The following PKHD1 variants were observed in gnomAD, a reference collection of about 807,000 sequenced individuals.
PKHD1 encodes PKHD1 ciliary IPT domain containing fibrocystin/polyductin.
In PKHD1, 291 loss-of-function variants were observed where a neutral mutation model predicts 412.0. The ratio of observed to expected loss-of-function variants is 0.71; its 90% CI spans 0.64 to 0.78. The LOEUF (loss-of-function observed/expected upper bound fraction) is 0.78, where lower values mean the gene tolerates loss of function less well. PKHD1 is among the 30% of genes least tolerant of loss of function. The probability of loss-of-function intolerance (pLI) is 0.00; values close to 1 mark genes in which losing one functional copy is unlikely to be tolerated. For synonymous variants in PKHD1, 1,777 were observed against 1,821.5 expected (o/e 0.98, Z 0.62); for missense variants, 4,825 against 4,950.7 (o/e 0.97, Z 0.76).
intron 66 of PKHD1, 33 bp downstream of exon 66, chr6:51,626,964 C>T (rs1409744313): frequency 1.2e-6 from 2 of 1,610,282 alleles, no homozygotes; most frequent in Non-Finnish European, 1.7e-6. Flanking sequence ...GTGGGTCTCT[C>T]CTGTGGGGAT....
chr6:52,073,078 C>A (rs1279907378), intron 7 of PKHD1, among the ~76,000 whole-genome samples: 1 of 152,182 alleles, frequency 6.6e-6, no homozygotes, highest in African/African-American at 2.4e-5. Flanking sequence ...TTTTAAAGCA[C>A]AAATGGATAA....
intron 7 of PKHD1, among the ~76,000 whole-genome samples, chr6:52,072,634 A>C (rs1300681852): frequency 6.6e-6 from 1 of 152,164 alleles, no homozygotes; most frequent in Non-Finnish European, 1.5e-5. Flanking sequence ...ACCATTGCTT[A>C]ATGCCAGAAA....
intron 53 of PKHD1, among the ~76,000 whole-genome samples, chr6:51,783,663 G>A (rs1264671725): frequency 1.3e-5 from 2 of 151,988 alleles, no homozygotes; most frequent in South Asian, 2.1e-4. Context: ...GGCTCAGACA[G>A]CTATTCATGG....
chr6:51,891,214 T>C (rs1167071509), intron 43 of PKHD1, among the ~76,000 whole-genome samples: 1 of 152,222 alleles, frequency 6.6e-6, no homozygotes, highest in Non-Finnish European at 1.5e-5. Context: ...ACTAATATTT[T>C]TATTGACTTT....
chr6:51,981,702 C>G (rs1164470709), intron 35 of PKHD1, among the ~76,000 whole-genome samples: 5 of 143,704 alleles, frequency 3.5e-5, no homozygotes, highest in Admixed American at 1.4e-4. Context: ...CCTTGGCCCC[C>G]CAAAGTGCCG....
intron 52 of PKHD1, among the ~76,000 whole-genome samples, chr6:51,795,250 G>T (rs112262457): frequency 4.6e-5 from 7 of 152,078 alleles, no homozygotes; most frequent in Admixed American, 4.6e-4. Context: ...CACTTCCCTT[G>T]TTAGCTGTAT....
At chr6:51,768,077 G>T (rs987556497) in intron 55 of PKHD1, among the ~76,000 whole-genome samples, 3 of 152,152 alleles carry the variant, frequency 2.0e-5, no homozygotes, top group Admixed American at 6.5e-5. Flanking sequence ...GTGATGATGA[G>T]CATTTTTTCA....
At chr6:51,666,774 T>G (rs1773876109) in intron 60 of PKHD1, among the ~76,000 whole-genome samples, 1 of 147,756 alleles carries the variant, frequency 6.8e-6, no homozygotes, top group South Asian at 2.2e-4. Flanking sequence ...AATTCCCACC[T>G]ATGAGTGAGA....
At chr6:51,673,575 T>C (rs1775352644) in intron 60 of PKHD1, among the ~76,000 whole-genome samples, 1 of 152,138 alleles carries the variant, frequency 6.6e-6, no homozygotes, top group African/African-American at 2.4e-5. Context: ...CTTAAGAAAA[T>C]CACGAAAGAG....
intron 46 of PKHD1, among the ~76,000 whole-genome samples, chr6:51,874,475 C>T (rs1038902049): frequency 1.3e-5 from 2 of 152,158 alleles, no homozygotes; most frequent in Admixed American, 6.5e-5. Context: ...AGAGTACCAA[C>T]ACACGTACAG....
intron 46 of PKHD1, among the ~76,000 whole-genome samples, chr6:51,872,875 CTTT>C (rs33953182): frequency 0.035 from 2,849 of 81,518 alleles, 32 homozygotes; most frequent in Middle Eastern, 0.08. Context: ...CCATCGTTTC[CTTT>C]TTTTTTTTTT....
At chr6:51,753,088 T>C in intron 57 of PKHD1, 113 bp downstream of exon 57, 8 of 916,372 alleles carry the variant, frequency 8.7e-6, no homozygotes, top group Non-Finnish European at 1.2e-5. Context: ...AAAGGAACTA[T>C]CTCATTTGAA....
intron 60 of PKHD1, among the ~76,000 whole-genome samples, chr6:51,711,736 T>C (rs1174155181): frequency 6.6e-6 from 1 of 152,110 alleles, no homozygotes. Flanking sequence ...ACATTTGAGG[T>C]TCTGGTATTT....
At chr6:51,802,400 T>TA (rs980208157) in intron 52 of PKHD1, among the ~76,000 whole-genome samples, 1 of 151,558 alleles carries the variant, frequency 6.6e-6, no homozygotes, top group African/African-American at 2.4e-5. Context: ...GTTAATGAAT[T>TA]CTAACTAACA....
chr6:52,025,690 C>G lies in PKHD1; in HGVS notation c.4120G>C (p.Gly1374Arg), dbSNP rs763068559. 2 of 1,614,182 alleles carry G rather than the reference C, an allele frequency of 1.2e-6. No individual in the cohort carries two copies. Among genetic ancestry groups the G allele is most frequent in the South Asian group, 2.2e-5 (2 of 91,084 alleles). ...AGCACCACAGACATATTAGCAAATC[C>G]CATCTGCTTCTGACGTACTTGGAGA... ...YPLQVRQKQM[G>R]FANMSVVLQQ... The change falls in exon 32 of 67, where the codon GGA becomes CGA. Residue 1374 changes from glycine (G) to arginine (R), a missense_variant. Physicochemically the swap from Gly to Arg is moderately radical, Grantham distance 125 (BLOSUM62 -2). Transcript: ENST00000371117.
Position 52,025,381 on chromosome 6 carries a change from T to C in PKHD1, c.4429A>G (p.Thr1477Ala), listed in dbSNP as rs1475782336. 1 of 1,611,904 alleles carries C rather than the reference T, an allele frequency of 6.2e-7. No homozygotes were observed. The highest frequency in any genetic ancestry group is 2.2e-5 in the East Asian group (1 of 44,822). The change falls in exon 32 of 67, where the codon ACT (threonine) becomes GCT (alanine). Residue 1477 changes from threonine (T) to alanine (A), a missense_variant. Thr to Ala is a moderately conservative substitution (Grantham distance 58, BLOSUM62 0). Coordinates refer to ENST00000371117, the MANE Select transcript of PKHD1 (RefSeq NM_138694.4). Reference sequence around the variant, plus strand: ...CTTGCCTCTTCCCTTATGAAAAGAGTGCAATTCCCCTGACACTCGCTGGTT... The same window carrying C: ...CTTGCCTCTTCCCTTATGAAAAGAGCGCAATTCCCCTGACACTCGCTGGTT... ...GLTSECQGNC[T>A]LFIREEASPV... is the part of the protein sequence containing the mutation.
intron 60 of PKHD1, among the ~76,000 whole-genome samples, chr6:51,667,814 A>G (rs1369421687): frequency 6.6e-6 from 1 of 150,690 alleles, no homozygotes; most frequent in African/African-American, 2.5e-5. Flanking sequence ...TCCTTTCCCC[A>G]TTGCTTGTTT....
Position 52,056,761 on chromosome 6 carries a change from CAAGT to C in PKHD1, c.1626_1629del (p.Leu543GlnfsTer2), listed in dbSNP as rs777295562. On this transcript the variant is annotated frameshift_variant, in exon 18 of 67. Coordinates refer to ENST00000371117, the MANE Select transcript of PKHD1 (RefSeq NM_138694.4). LOFTEE classifies it high-confidence loss of function. ...AGGGGTTCCAGTTTGCATTTTACTG[CAAGT>C]AACTCCTCAATGGTTGTTTGAATCT... 5.0e-6 allele frequency: 8 copies of C among 1,613,282 alleles called. No individual in the cohort carries two copies. Among genetic ancestry groups the C allele is most frequent in the Non-Finnish European group, 6.8e-6 (8 of 1,179,400 alleles).
At chr6:51,837,115 G>A (rs1057017776) in intron 50 of PKHD1, among the ~76,000 whole-genome samples, 2 of 152,208 alleles carry the variant, frequency 1.3e-5, no homozygotes, top group East Asian at 1.9e-4. Flanking sequence ...TTTGCCAAGA[G>A]AGGCTGCTAT....
Sources: gnomAD v4.1 joint callset for allele counts (sites outside exome capture counted in the v4.1 genomes callset) on GRCh38, gnomAD v4.1.1 for gene constraint, MANE v1.5 for transcripts, NCBI Gene and HGNC (gene_info 2026-07-23, HGNC 2026-07-21) for gene names.